RBPMS: variants seen among roughly 807,000 people sequenced by gnomAD.
RBPMS encodes the protein RNA binding protein, mRNA processing factor.
In RBPMS, 7 loss-of-function variants were observed where a neutral mutation model predicts 26.8. The observed-to-expected ratio is 0.26, with a 90% confidence interval of 0.15 to 0.49. RBPMS has a LOEUF of 0.49. RBPMS is among the 20% of genes least tolerant of loss of function. The pLI, the probability that RBPMS is intolerant of heterozygous loss-of-function variation, is 0.98. For missense variants in RBPMS, 186 were observed against 250.0 expected (o/e 0.74, Z 1.73); for synonymous variants, 96 against 93.3 (o/e 1.03, Z -0.17).
chr8:30,478,310 C>A (rs1004696678), intron 3 of RBPMS, among the ~76,000 whole-genome samples: 1 of 151,982 alleles, frequency 6.6e-6, no homozygotes, highest in Non-Finnish European at 1.5e-5. Flanking sequence ...TTCCTACAAG[C>A]TTAGAGATTG....
In RBPMS at chr8:30,556,474, A is replaced by T. The variant is rs573347542; in HGVS notation, c.529-2413A>T. 8.1e-6 allele frequency: 8 copies of T among 985,936 alleles called. No individual in the cohort carries two copies. The African/African-American group carries it at 1.2e-4, about 15-fold the overall frequency. 61.1% of individuals were successfully genotyped at this position (985,936 alleles called of 1,614,324 possible). On this transcript the variant is annotated intron_variant, in intron 6 of 8. Transcript: ENST00000397323. ...CCTGCACCGAAAGCAGAACCATGCCATCCACTGTGCAGCTCTCCTCCCCGG... is the reference window on the plus strand; with the variant it reads ...CCTGCACCGAAAGCAGAACCATGCCTTCCACTGTGCAGCTCTCCTCCCCGG...
chr8:30,550,239 A>T (rs1430760841), intron 6 of RBPMS, among the ~76,000 whole-genome samples: 6 of 152,152 alleles, frequency 3.9e-5, no homozygotes, highest in Non-Finnish European at 8.8e-5. Context: ...TCATGGCAAG[A>T]AATGTAGGGT....
chr8:30,470,694 C>T (rs1816994526), intron 1 of RBPMS, among the ~76,000 whole-genome samples: 1 of 152,148 alleles, frequency 6.6e-6, no homozygotes, highest in Non-Finnish European at 1.5e-5. Flanking sequence ...CAATAGTGGA[C>T]TTCATGAGAT....
intron 1 of RBPMS, among the ~76,000 whole-genome samples, chr8:30,471,388 C>T: frequency 6.6e-6 from 1 of 152,000 alleles, no homozygotes; most frequent in East Asian, 1.9e-4. Context: ...TTTATGAAGC[C>T]CTTTTCTCTA....
At chr8:30,458,801 TC>T (rs1256974515) in intron 1 of RBPMS, among the ~76,000 whole-genome samples, 2 of 152,118 alleles carry the variant, frequency 1.3e-5, no homozygotes, top group East Asian at 3.9e-4. Context: ...AGCCTCAACC[TC>T]CTGGGCTCAG....
intron 1 of RBPMS, among the ~76,000 whole-genome samples, chr8:30,453,226 GT>G (rs1248999707): frequency 1.2e-4 from 18 of 152,172 alleles, no homozygotes; most frequent in Non-Finnish European, 2.4e-4. Flanking sequence ...TTGGGTAACG[GT>G]TCATGTAGAA....
intron 1 of RBPMS, among the ~76,000 whole-genome samples, chr8:30,411,679 A>G (rs113005643): frequency 2.2e-5 from 3 of 139,116 alleles, no homozygotes; most frequent in African/African-American, 5.5e-5. Flanking sequence ...AAAAAAAAAA[A>G]AAAAAGAAAA....
chr8:30,475,430 G>A (rs1428494929), intron 2 of RBPMS, among the ~76,000 whole-genome samples: 1 of 152,222 alleles, frequency 6.6e-6, no homozygotes, highest in African/African-American at 2.4e-5. Context: ...CCTTTTGAAG[G>A]TTGGCCTTTG....
intron 5 of RBPMS, among the ~76,000 whole-genome samples, chr8:30,519,310 G>C (rs1822745053): frequency 3.9e-5 from 6 of 152,020 alleles, no homozygotes; most frequent in Admixed American, 3.9e-4. Context: ...CCAAGATTTA[G>C]CCACAACTTT....
chr8:30,444,845 C>A (rs1358070664), intron 1 of RBPMS: 1 of 152,220 alleles, frequency 6.6e-6, no homozygotes, highest in Non-Finnish European at 1.5e-5. Flanking sequence ...TTTGTTGTGA[C>A]TTCAGCCTTG....
intron 5 of RBPMS, among the ~76,000 whole-genome samples, chr8:30,537,416 GT>G (rs764408264): frequency 2.2e-4 from 34 of 152,288 alleles, no homozygotes; most frequent in Non-Finnish European, 4.3e-4. Flanking sequence ...CAGAAAACTT[GT>G]TGCTTCTGCA....
At chr8:30,558,712 C>T (rs956636687) in intron 6 of RBPMS, 175 bp from the exon 7 acceptor site, 4 of 682,790 alleles carry the variant, frequency 5.9e-6, no homozygotes, top group Non-Finnish European at 1.1e-5. Flanking sequence ...TGTGGAACGC[C>T]TCTCAGGACA....
At chr8:30,440,650 T>C (rs1218479227) in intron 1 of RBPMS, among the ~76,000 whole-genome samples, 2 of 152,210 alleles carry the variant, frequency 1.3e-5, no homozygotes, top group Non-Finnish European at 2.9e-5. Flanking sequence ...CTTTTTGAGA[T>C]ACTGCTTTTG....
At chr8:30,420,243 A>G (rs1390051767) in intron 1 of RBPMS, among the ~76,000 whole-genome samples, 3 of 152,086 alleles carry the variant, frequency 2.0e-5, no homozygotes, top group African/African-American at 4.8e-5. Flanking sequence ...AAAAAAAAGA[A>G]AGAAAATACC....
intron 8 of RBPMS, among the ~76,000 whole-genome samples, chr8:30,567,328 G>A (rs1161501151): frequency 1.3e-5 from 2 of 152,136 alleles, no homozygotes; most frequent in East Asian, 1.9e-4. Flanking sequence ...CACACTGGGC[G>A]ACCCACCTCC....
intron 4 of RBPMS, among the ~76,000 whole-genome samples, chr8:30,486,084 C>T (rs769216070): frequency 1.3e-5 from 2 of 152,164 alleles, no homozygotes; most frequent in African/African-American, 2.4e-5. Context: ...CAGTGGCTCA[C>T]GACTGTAAGC....
chr8:30,547,651 AGCTTCCTGGAGAG>A, intron 6 of RBPMS: 1 of 487,402 alleles, frequency 2.1e-6, no homozygotes, highest in Non-Finnish European at 3.3e-6. Context: ...ACTCAGAACG[AGCTTCCTGGAGAG>A]GCCAGGTCCT....
intron 6 of RBPMS, among the ~76,000 whole-genome samples, chr8:30,554,903 A>G (rs573559673): frequency 2.0e-5 from 3 of 152,320 alleles, no homozygotes; most frequent in Admixed American, 6.5e-5. Context: ...GGATAGCGCA[A>G]TGCAAATCAT....
At chr8:30,439,193 G>A (rs755968420) in intron 1 of RBPMS, among the ~76,000 whole-genome samples, 1 of 152,244 alleles carries the variant, frequency 6.6e-6, no homozygotes, top group Non-Finnish European at 1.5e-5. Flanking sequence ...GCTGTAGTCA[G>A]TTACTATGCT....
Sources: allele counts gnomAD v4.1 joint callset (sites outside exome capture counted in the v4.1 genomes callset), GRCh38; gene constraint gnomAD v4.1.1; transcripts MANE v1.5; gene names NCBI Gene and HGNC (gene_info 2026-07-23, HGNC 2026-07-21).